The following PAK1 variants were observed in gnomAD, a reference collection of about 807,000 sequenced individuals.
PAK1 encodes serine/threonine-protein kinase PAK 1.
PAK1 carries 29 observed loss-of-function variants against 67.4 expected under a neutral mutation model. The observed-to-expected ratio is 0.43, with a 90% confidence interval of 0.32 to 0.59. The LOEUF is 0.59. PAK1 is among the 20% of genes least tolerant of loss of function. The pLI, the probability that PAK1 is intolerant of heterozygous loss-of-function variation, is 0.07. For synonymous variants in PAK1, 223 were observed against 237.4 expected, an observed-to-expected ratio of 0.94 and a Z score of 0.56; for missense variants, 337 against 670.7, an observed-to-expected ratio of 0.50 and a Z score of 5.50.
chr11:77,471,544 C>T (rs1438035852), intron 1 of PAK1, among the ~76,000 whole-genome samples: 2 of 152,106 alleles, frequency 1.3e-5, no homozygotes, highest in African/African-American at 4.8e-5. Flanking sequence ...TCTCCACAGG[C>T]AGGTAAGGGG....
At chr11:77,403,359 C>A (rs1369469479) in intron 1 of PAK1, among the ~76,000 whole-genome samples, 1 of 152,130 alleles carries the variant, frequency 6.6e-6, no homozygotes, top group Non-Finnish European at 1.5e-5. Context: ...CATGTCAACA[C>A]CCTGGCCACT....
the PAK1 span, among the ~76,000 whole-genome samples, chr11:77,497,758 T>C: frequency 3.9e-5 from 6 of 152,248 alleles, no homozygotes; most frequent in Admixed American, 3.9e-4. Context: ...TCTTGCTGTG[T>C]CCTCTGATTC....
intron 10 of PAK1, among the ~76,000 whole-genome samples, chr11:77,341,181 TC>T (rs1401901136): frequency 1.6e-4 from 25 of 152,168 alleles, no homozygotes; most frequent in Admixed American, 1.4e-3. Flanking sequence ...CTACTAAACC[TC>T]CCAGAGAGTC....
At chr11:77,332,911 T>A in intron 13 of PAK1, 44 bp from the exon 14 acceptor site, 3 of 1,588,348 alleles carry the variant, frequency 1.9e-6, no homozygotes, top group Non-Finnish European at 1.7e-6. Context: ...CAAATGAGGC[T>A]CTCTCTTGTT....
At chr11:77,527,445 T>C in the PAK1 span, among the ~76,000 whole-genome samples, 1 of 152,228 alleles carries the variant, frequency 6.6e-6, no homozygotes, top group South Asian at 2.1e-4. Flanking sequence ...GCCAGGCACA[T>C]GATAGATACT....
chr11:77,384,988 G>GA (rs961850967), intron 2 of PAK1, among the ~76,000 whole-genome samples: 78 of 152,124 alleles, frequency 5.1e-4, no homozygotes, highest in Admixed American at 1.5e-3. Context: ...AATTAATGCA[G>GA]AAAAAAGCAT....
the PAK1 span, among the ~76,000 whole-genome samples, chr11:77,497,152 G>A: frequency 1.2e-4 from 18 of 152,254 alleles, no homozygotes; most frequent in Non-Finnish European, 2.1e-4. Context: ...GGAACTGGGC[G>A]AACATCTCCA....
intron 1 of PAK1, among the ~76,000 whole-genome samples, chr11:77,412,902 C>T (rs1954712185): frequency 1.3e-5 from 2 of 152,204 alleles, no homozygotes; most frequent in Non-Finnish European, 2.9e-5. Context: ...GTGCATCAGG[C>T]ATTGTGATGG....
chr11:77,472,130 T>C (rs745727473), intron 1 of PAK1, among the ~76,000 whole-genome samples: 3 of 152,130 alleles, frequency 2.0e-5, no homozygotes, highest in Non-Finnish European at 4.4e-5. Context: ...GCCTGAAACA[T>C]AGTAGCTCTC....
intron 1 of PAK1, among the ~76,000 whole-genome samples, chr11:77,449,485 T>G (rs917481866): frequency 7.1e-6 from 1 of 139,990 alleles, no homozygotes; most frequent in African/African-American, 2.4e-5. Flanking sequence ...ATAGGGCAGG[T>G]AAAGCCAGGC....
chr11:77,341,011 A>G (rs1419938285), intron 10 of PAK1, among the ~76,000 whole-genome samples: 1 of 152,204 alleles, frequency 6.6e-6, no homozygotes, highest in Non-Finnish European at 1.5e-5. Context: ...CAGAACTAAG[A>G]TCTCTAGCTT....
intron 5 of PAK1, among the ~76,000 whole-genome samples, chr11:77,369,712 T>C (rs1313941650): frequency 2.0e-5 from 3 of 152,130 alleles, no homozygotes; most frequent in Non-Finnish European, 2.9e-5. Context: ...CCTCCCAAAG[T>C]GCTGGGATTA....
At chr11:77,330,381 A>G (rs1175818927) in intron 14 of PAK1, among the ~76,000 whole-genome samples, 1 of 152,178 alleles carries the variant, frequency 6.6e-6, no homozygotes, top group Non-Finnish European at 1.5e-5. Context: ...CTGACTTCAA[A>G]CTATACTACA....
chr11:77,510,307 G>C, the PAK1 span, among the ~76,000 whole-genome samples: 1 of 152,184 alleles, frequency 6.6e-6, no homozygotes, highest in Non-Finnish European at 1.5e-5. Context: ...ATACTTCTGT[G>C]GTGATACGTG....
At chr11:77,373,462 G>A (rs1948696542) in intron 5 of PAK1, among the ~76,000 whole-genome samples, 1 of 151,612 alleles carries the variant, frequency 6.6e-6, no homozygotes, top group Admixed American at 6.6e-5. Context: ...CAGAGGGCTG[G>A]GGCAGGAGCA....
chr11:77,345,449 G>T (rs1325413265), intron 9 of PAK1, among the ~76,000 whole-genome samples: 1 of 152,094 alleles, frequency 6.6e-6, no homozygotes, highest in East Asian at 1.9e-4. Flanking sequence ...TAGTGGACAA[G>T]AACACGAACA....
the PAK1 span, among the ~76,000 whole-genome samples, chr11:77,490,290 G>GCC: frequency 3.1e-3 from 249 of 80,498 alleles, 13 homozygotes; most frequent in East Asian, 0.015. Context: ...GTGGGGGTCA[G>GCC]CCCCCCCACC....
chr11:77,419,266 G>C (rs1955130862), intron 1 of PAK1, among the ~76,000 whole-genome samples: 1 of 152,172 alleles, frequency 6.6e-6, no homozygotes, highest in African/African-American at 2.4e-5. Context: ...TTAAATCCTG[G>C]AGATCTCAAA....
intron 1 of PAK1, among the ~76,000 whole-genome samples, chr11:77,426,320 C>T (rs1955544055): frequency 6.6e-6 from 1 of 152,052 alleles, no homozygotes; most frequent in Non-Finnish European, 1.5e-5. Context: ...GAAATTATGG[C>T]ATATACTAAG....
Sources: gnomAD v4.1 joint callset for allele counts (sites outside exome capture counted in the v4.1 genomes callset) on GRCh38, gnomAD v4.1.1 for gene constraint, MANE v1.5 for transcripts, NCBI Gene and HGNC (gene_info 2026-07-23, HGNC 2026-07-21) for gene names.